The following SLC27A5 variants were observed in gnomAD, a reference collection of about 807,000 sequenced individuals.
SLC27A5 encodes the protein long-chain fatty acid transport protein 5.
Under a neutral mutation model 63.1 loss-of-function variants are expected in SLC27A5, and 47 were observed. That is an observed-to-expected ratio of 0.74 (90% CI 0.59 to 0.95). The LOEUF (loss-of-function observed/expected upper bound fraction) is 0.95, where lower values mean the gene tolerates loss of function less well. SLC27A5 is among the 40% of genes least tolerant of loss of function. The pLI is 0.00. For synonymous variants in SLC27A5, 391 were observed against 403.8 expected, an observed-to-expected ratio of 0.97 and a Z score of 0.38; for missense variants, 940 against 921.0, an observed-to-expected ratio of 1.02 and a Z score of -0.27.
chr19:58,511,806 C>T lies in SLC27A5; in HGVS notation c.150G>A (p.Met50Ile), dbSNP rs761216336. ...AGGGGCCGAGCCAGGGCCGTGCTAACATGGCCAGCCCAAGTAGCACGCAAC... is the reference window on the plus strand; with the variant it reads ...AGGGGCCGAGCCAGGGCCGTGCTAATATGGCCAGCCCAAGTAGCACGCAAC... ...PTCCVLLGLA[M>I]LARPWLGPWV... Residue 50 changes from methionine (M) to isoleucine (I), a missense_variant, in exon 1 of 10, where the codon ATG becomes ATA. Coordinates refer to ENST00000263093, the MANE Select transcript of SLC27A5 (RefSeq NM_012254.3). 6.4e-7 allele frequency: 1 copy of T among 1,558,314 alleles called. No homozygotes were observed. Among genetic ancestry groups the T allele is most frequent in the African/African-American group, 1.4e-5 (1 of 73,538 alleles).
rs1327764835 is a variant in SLC27A5 at position 58,511,277 on chromosome 19, C to T, written c.679G>A (p.Val227Met). 3 of 1,545,990 alleles carry T rather than the reference C, an allele frequency of 1.9e-6. No homozygotes were observed. The highest frequency in any genetic ancestry group is 2.4e-5 in the South Asian group (2 of 82,762). The change falls in exon 1 of 10, where the codon GTG (valine) becomes ATG (methionine). Residue 227 changes from valine (V) to methionine (M), a missense_variant. Coordinates refer to ENST00000263093, the MANE Select transcript of SLC27A5 (RefSeq NM_012254.3). ...GCTCCAAGGCCCTCACCTGGGTCCA[C>T]CACCAGCACCCGGGCCCCAGAGCTC... ...VLSSGARVLV[V>M]DPDLRESLEE...
At position 58,510,916 on chromosome 19, in the gene SLC27A5, G is replaced by C; in HGVS notation, c.703C>G (p.Leu235Val). Residue 235 changes from leucine (L) to valine (V), a missense_variant, in exon 2 of 10, where the codon CTG (leucine) becomes GTG (valine). By Grantham distance (32) the Leu-to-Val change is conservative. Transcript: ENST00000263093. Reference protein sequence around the residue: ...LVVDPDLRESLEEILPKLQAE... With the variant: ...LVVDPDLRESVEEILPKLQAE... The stretch of plus-strand genomic sequence containing the variant: ...TGCAGCTTGGGAAGGATCTCCTCCA[G>C]GCTCTCCCGGAGGTCTGCAGAGATG... 6.2e-7 allele frequency: 1 copy of C among 1,606,252 alleles called. No individual in the cohort carries two copies. The highest frequency in any genetic ancestry group is 8.5e-7 in the Non-Finnish European group (1 of 1,175,536).
intron 3 of SLC27A5, among the ~76,000 whole-genome samples, chr19:58,506,194 A>G (rs2053344960): frequency 6.6e-6 from 1 of 151,790 alleles, no homozygotes; most frequent in Non-Finnish European, 1.5e-5. Flanking sequence ...CCCAAAGTGC[A>G]GGGATTATAG....
chr19:58,500,491 A>AC, intron 5 of SLC27A5, 21 bp downstream of exon 5: 4 of 1,613,772 alleles, frequency 2.5e-6, no homozygotes, highest in Non-Finnish European at 3.4e-6. Flanking sequence ...GCAGCTGCAC[A>AC]CCAGGTACCC....
chr19:58,502,901 A>G lies in SLC27A5; in HGVS notation c.1058-1491T>C, dbSNP rs151117504. Reference sequence around the variant, plus strand: ...TGGCTGGACAGTGACATGCAGAGGCAGGGGGGTAGAAAGATGGATAGGTGG... The same window carrying G: ...TGGCTGGACAGTGACATGCAGAGGCGGGGGGGTAGAAAGATGGATAGGTGG... On this transcript the variant is annotated intron_variant, in intron 3 of 9. Coordinates refer to ENST00000263093, the MANE Select transcript of SLC27A5 (RefSeq NM_012254.3). 5.3e-3 allele frequency among the ~76,000 whole-genome samples: 809 copies of G among 152,078 alleles called. 14 individuals carry two copies. The highest frequency in any genetic ancestry group is 0.019 in the African/African-American group (785 of 41,470).
rs764993539 is a variant in SLC27A5, at chr19:58,498,819, G to C, written c.1862C>G (p.Pro621Arg). 5 of 1,614,056 alleles carry C rather than the reference G, an allele frequency of 3.1e-6. No homozygotes were observed. In the South Asian group the frequency reaches 5.5e-5, roughly 18 times the overall value. The change falls in exon 9 of 10, where the codon CCT (proline) becomes CGT (arginine). Residue 621 changes from proline (P) to arginine (R), a missense_variant. Transcript: ENST00000263093. ...KLYQHVRAWL[P>R]AYATPHFIRI... The stretch of plus-strand genomic sequence containing the variant: ...GATGAAATGGGGGGTAGCGTAGGCA[G>C]GGAGCCAAGCGCGAACGTGCTGGTA...
intron 1 of SLC27A5, 126 bp from the exon 2 acceptor site, chr19:58,511,056 A>G: frequency 1.1e-6 from 1 of 949,370 alleles, no homozygotes; most frequent in Non-Finnish European, 1.5e-6. Flanking sequence ...GTTGTTTGGT[A>G]AAGAATCCCA....
At position 58,499,103 on chromosome 19, in the gene SLC27A5, A is replaced by C. The variant is rs745736118; in HGVS notation, c.1765+20T>G. The C allele has an allele frequency of 6.2e-7, 1 of 1,613,554 alleles. No individual in the cohort carries two copies. The highest frequency in any genetic ancestry group is 1.6e-4 in the Middle Eastern group (1 of 6,062). ...CCACCCACAAAGCTGTTGGAAGTTT[A>C]AAATGAGAACCCTCCGCACCTGGCA... On this transcript the variant is annotated intron_variant, in intron 8 of 9. Coordinates refer to ENST00000263093, the MANE Select transcript of SLC27A5 (RefSeq NM_012254.3).
chr19:58,506,161 A>G (rs1184491439), intron 3 of SLC27A5, among the ~76,000 whole-genome samples: 2 of 151,892 alleles, frequency 1.3e-5, no homozygotes, highest in Non-Finnish European at 2.9e-5. Flanking sequence ...TCCTGGGCTC[A>G]AGTGATCCTC....
intron 3 of SLC27A5, 120 bp from the exon 4 acceptor site, chr19:58,501,530 T>C: frequency 8.7e-7 from 1 of 1,143,014 alleles, no homozygotes; most frequent in East Asian, 2.6e-5. Context: ...ACTGAGTTCA[T>C]CTTTGTGTCC....
intron 3 of SLC27A5, chr19:58,508,610 T>C (rs2053373700): frequency 6.6e-6 from 1 of 151,438 alleles, no homozygotes; most frequent in Non-Finnish European, 1.5e-5. Flanking sequence ...GTTCCCCCGA[T>C]ACCACCATGC....
Position 58,498,626 on chromosome 19 carries a change from A to G in SLC27A5, c.1962T>C (p.Asn654=), listed in dbSNP as rs754594458. Residue 654 remains asparagine (N), a synonymous_variant, in exon 10 of 10, where the codon AAT becomes AAC. Coordinates refer to ENST00000263093, the MANE Select transcript of SLC27A5 (RefSeq NM_012254.3). ...MKTRLVREGF[N]VGIVVDPLFV... ...ACAGAGGGTCAACCACGATCCCCACATTGAAGCCCTCACGCACCAACCGGG... is the reference window on the plus strand; with the variant it reads ...ACAGAGGGTCAACCACGATCCCCACGTTGAAGCCCTCACGCACCAACCGGG... 6 of 1,614,144 alleles carry G rather than the reference A, an allele frequency of 3.7e-6. No individual in the cohort carries two copies. The highest frequency in any genetic ancestry group is 5.1e-6 in the Non-Finnish European group (6 of 1,180,022).
chr19:58,500,470 T>C (rs1416256566), intron 5 of SLC27A5, 41 bp from the exon 6 acceptor site: 1 of 1,613,494 alleles, frequency 6.2e-7, no homozygotes, highest in Admixed American at 1.7e-5. Flanking sequence ...TCCTGTGGGC[T>C]CAGCCTCAGG....
intron 3 of SLC27A5, 101 bp from the exon 4 acceptor site, chr19:58,501,511 C>T (rs1600030169): frequency 7.8e-7 from 1 of 1,283,556 alleles, no homozygotes; most frequent in East Asian, 2.4e-5. Context: ...CCCTGAAATA[C>T]AGGACAATAC....
At chr19:58,509,697 G>T in intron 3 of SLC27A5, 150 bp downstream of exon 3, 2 of 668,412 alleles carry the variant, frequency 3.0e-6, no homozygotes. Flanking sequence ...CTGTCCATGC[G>T]GCCCTGGTAG....
chr19:58,506,176 C>G (rs1458757952), intron 3 of SLC27A5, among the ~76,000 whole-genome samples: 3 of 151,966 alleles, frequency 2.0e-5, no homozygotes, highest in Admixed American at 6.6e-5. Context: ...ATCCTCCTGC[C>G]TTGGTACCCC....
In SLC27A5 at chr19:58,500,377, AC is replaced by A. The variant is rs773264100; in HGVS notation, c.1429del (p.Val477Ter). The A allele has an allele frequency of 5.0e-6, 8 of 1,613,498 alleles. No homozygotes were observed. The African/African-American group carries it at 1.1e-4, about 22-fold the overall frequency. ...VQFDMEAAEP[V>X]RDNQGFCIPV... is the part of the protein sequence containing the mutation. ...GATGCAGAAGCCCTGATTGTCCCTCACAGGCTCCGCCGCCTCCATGTCGAAC... is the reference window on the plus strand; with the variant it reads ...GATGCAGAAGCCCTGATTGTCCCTCAAGGCTCCGCCGCCTCCATGTCGAAC... On this transcript the variant is annotated frameshift_variant, in exon 6 of 10. Coordinates refer to ENST00000263093, the MANE Select transcript of SLC27A5 (RefSeq NM_012254.3). LOFTEE classifies it high-confidence loss of function.
At chr19:58,504,997 C>G (rs1428282058) in intron 3 of SLC27A5, among the ~76,000 whole-genome samples, 1 of 149,752 alleles carries the variant, frequency 6.7e-6, no homozygotes, top group Non-Finnish European at 1.5e-5. Context: ...CAGAGCGAGA[C>G]TCCATCTCAA....
intron 3 of SLC27A5, among the ~76,000 whole-genome samples, chr19:58,503,834 T>C (rs2053311553): frequency 6.6e-6 from 1 of 152,178 alleles, no homozygotes; most frequent in Non-Finnish European, 1.5e-5. Context: ...GCCAATTGGC[T>C]GGGCACAGTA....
Sources: allele counts gnomAD v4.1 joint callset (sites outside exome capture counted in the v4.1 genomes callset), GRCh38; gene constraint gnomAD v4.1.1; transcripts MANE v1.5; gene names NCBI Gene and HGNC (gene_info 2026-07-23, HGNC 2026-07-21).